SLC24A4: variants seen among roughly 807,000 people sequenced by gnomAD.
SLC24A4 encodes the protein solute carrier family 24 member 4.
Under a neutral mutation model 79.0 loss-of-function variants are expected in SLC24A4, and 53 were observed. The ratio of observed to expected loss-of-function variants is 0.67; its 90% CI spans 0.54 to 0.84. SLC24A4 has a LOEUF of 0.84. Among genes scored for constraint, SLC24A4 ranks in the 40% least tolerant of loss-of-function variants. The pLI, the probability that SLC24A4 is intolerant of heterozygous loss-of-function variation, is 0.00. For synonymous variants in SLC24A4, 323 were observed against 323.8 expected, an observed-to-expected ratio of 1.00 and a Z score of 0.03; for missense variants, 731 against 822.0, an observed-to-expected ratio of 0.89 and a Z score of 1.35.
chr14:92,474,812 C>T (rs12880260), intron 12 of SLC24A4, among the ~76,000 whole-genome samples: 17 of 30,586 alleles, frequency 5.6e-4, no homozygotes, highest in Non-Finnish European at 9.4e-4. Context: ...TACATATATA[C>T]ATATATATAC....
chr14:92,391,023 A>T (rs552094261), intron 2 of SLC24A4, among the ~76,000 whole-genome samples: 1 of 152,208 alleles, frequency 6.6e-6, no homozygotes, highest in African/African-American at 2.4e-5. Flanking sequence ...GATGGAGAGA[A>T]AGAGGTGGAA....
At chr14:92,346,915 T>C (rs1016603242) in intron 2 of SLC24A4, among the ~76,000 whole-genome samples, 3 of 152,160 alleles carry the variant, frequency 2.0e-5, no homozygotes, top group Admixed American at 1.3e-4. Context: ...ATTCTGTGTA[T>C]GCCAGGGTCC....
chr14:92,407,801 G>T (rs1231063745), intron 2 of SLC24A4, among the ~76,000 whole-genome samples: 7 of 152,000 alleles, frequency 4.6e-5, no homozygotes, highest in African/African-American at 1.7e-4. Context: ...TTTGGGCAGG[G>T]ATACAAATCC....
At chr14:92,459,682 T>C (rs770831855) in intron 12 of SLC24A4, among the ~76,000 whole-genome samples, 1 of 152,156 alleles carries the variant, frequency 6.6e-6, no homozygotes, top group African/African-American at 2.4e-5. Flanking sequence ...ATGGCTTCCT[T>C]TTCTTCTTCC....
chr14:92,336,389 A>G (rs548844956), intron 2 of SLC24A4, among the ~76,000 whole-genome samples: 124 of 152,334 alleles, frequency 8.1e-4, no homozygotes, highest in African/African-American at 2.8e-3. Flanking sequence ...AAAGCAGTGG[A>G]TGTCCTCCTT....
intron 2 of SLC24A4, among the ~76,000 whole-genome samples, chr14:92,381,037 T>C (rs944628947): frequency 3.3e-5 from 5 of 152,098 alleles, no homozygotes; most frequent in East Asian, 1.9e-4. Flanking sequence ...ACAACACTGA[T>C]CTAGAACCAG....
At chr14:92,333,459 C>A (rs1199094590) in intron 2 of SLC24A4, among the ~76,000 whole-genome samples, 1 of 152,114 alleles carries the variant, frequency 6.6e-6, no homozygotes, top group Non-Finnish European at 1.5e-5. Context: ...TTTGGGTTTC[C>A]AATGTCCTGT....
chr14:92,454,151 T>C, intron 11 of SLC24A4, 82 bp downstream of exon 11: 2 of 1,431,352 alleles, frequency 1.4e-6, no homozygotes, highest in East Asian at 2.5e-5. Flanking sequence ...CCTGGTGCCA[T>C]TGATCACTGC....
chr14:92,370,242 CAGAACGT>C (rs1258324875), intron 2 of SLC24A4, among the ~76,000 whole-genome samples: 2 of 152,142 alleles, frequency 1.3e-5, no homozygotes, highest in Non-Finnish European at 2.9e-5. Context: ...GAAAGTCTTC[CAGAACGT>C]AGAGCAAAAA....
intron 3 of SLC24A4, among the ~76,000 whole-genome samples, chr14:92,438,115 G>A (rs1024034852): frequency 2.6e-5 from 4 of 151,902 alleles, no homozygotes; most frequent in African/African-American, 9.7e-5. Context: ...CCCACCAAGG[G>A]CTCAGTCCCA....
intron 10 of SLC24A4, chr14:92,450,607 G>C (rs1012211382): frequency 6.6e-6 from 1 of 152,332 alleles, no homozygotes; most frequent in Non-Finnish European, 1.5e-5. Flanking sequence ...CGGCTGTGTC[G>C]GATTTTAGCT....
At chr14:92,418,581 G>A (rs557690530) in intron 2 of SLC24A4, among the ~76,000 whole-genome samples, 9 of 152,302 alleles carry the variant, frequency 5.9e-5, no homozygotes, top group African/African-American at 1.9e-4. Flanking sequence ...AAATCTGTAT[G>A]CCAGGCCAGC....
intron 2 of SLC24A4, among the ~76,000 whole-genome samples, chr14:92,393,012 T>C (rs1889566326): frequency 6.6e-6 from 1 of 151,904 alleles, no homozygotes; most frequent in East Asian, 1.9e-4. Context: ...AGGCGCCATC[T>C]ATGAGGGACA....
intron 2 of SLC24A4, among the ~76,000 whole-genome samples, chr14:92,403,299 T>C (rs11626106): frequency 0.72 from 108,857 of 151,926 alleles, 39,302 homozygotes; most frequent in East Asian, 0.98. Flanking sequence ...TAGTTCAAGA[T>C]GACAGACTTA....
intron 12 of SLC24A4, among the ~76,000 whole-genome samples, chr14:92,458,378 C>A (rs1307951679): frequency 6.6e-6 from 1 of 152,196 alleles, no homozygotes; most frequent in Non-Finnish European, 1.5e-5. Flanking sequence ...CTCGGCCCGT[C>A]TCAAACGCTT....
chr14:92,331,902 AT>A (rs776662526), intron 2 of SLC24A4, among the ~76,000 whole-genome samples: 9 of 152,236 alleles, frequency 5.9e-5, no homozygotes, highest in Non-Finnish European at 7.4e-5. Flanking sequence ...CTTCCTTATG[AT>A]TTTCTTAATA....
chr14:92,438,078 C>T (rs558296521), intron 3 of SLC24A4, among the ~76,000 whole-genome samples: 5 of 152,254 alleles, frequency 3.3e-5, no homozygotes, highest in East Asian at 1.9e-4. Flanking sequence ...GTTCTGACAC[C>T]GTACCTAGAG....
At chr14:92,479,895 G>A (rs185890650) in intron 12 of SLC24A4, among the ~76,000 whole-genome samples, 1 of 152,242 alleles carries the variant, frequency 6.6e-6, no homozygotes, top group East Asian at 1.9e-4. Flanking sequence ...AATCTATTCA[G>A]ATTTTCTGTT....
chr14:92,438,437 G>C (rs2402146), intron 3 of SLC24A4, among the ~76,000 whole-genome samples: 3,357 of 152,008 alleles, frequency 0.022, 109 homozygotes, highest in African/African-American at 0.07. Context: ...GACTCCCCCC[G>C]CCATCTCTAC....
Sources: gnomAD v4.1 joint callset for allele counts (sites outside exome capture counted in the v4.1 genomes callset) on GRCh38, gnomAD v4.1.1 for gene constraint, MANE v1.5 for transcripts, NCBI Gene and HGNC (gene_info 2026-07-23, HGNC 2026-07-21) for gene names.